The following NME7 variants were observed in gnomAD, a reference collection of about 807,000 sequenced individuals.
NME7 encodes the protein NME/NM23 family member 7.
Under a neutral mutation model 49.1 loss-of-function variants are expected in NME7, and 41 were observed. The ratio of observed to expected loss-of-function variants is 0.83; its 90% CI spans 0.65 to 1.08. NME7 has a LOEUF of 1.08. Ranked by LOEUF, NME7 falls within the 50% of genes least tolerant of loss-of-function variation. The pLI, the probability that NME7 is intolerant of heterozygous loss-of-function variation, is 0.00. For synonymous variants in NME7, 139 were observed against 150.6 expected, an observed-to-expected ratio of 0.92 and a Z score of 0.56; for missense variants, 423 against 463.4, an observed-to-expected ratio of 0.91 and a Z score of 0.80.
At chr1:169,301,712 T>C (rs973516423) in intron 5 of NME7, among the ~76,000 whole-genome samples, 2 of 151,980 alleles carry the variant, frequency 1.3e-5, no homozygotes, top group Non-Finnish European at 2.9e-5. Flanking sequence ...ATGTGGTATA[T>C]ATATATAACA....
At chr1:169,354,288 G>A (rs1310550219) in intron 1 of NME7, among the ~76,000 whole-genome samples, 1 of 152,028 alleles carries the variant, frequency 6.6e-6, no homozygotes, top group Non-Finnish European at 1.5e-5. Context: ...AATAAGCCAG[G>A]CACAAAAACA....
rs958846733 is a variant in NME7, at chr1:169,268,897, G to A, written c.754+18406C>T. 6.0e-5 allele frequency among the ~76,000 whole-genome samples: 8 copies of A among 133,312 alleles called. No homozygotes were observed. The East Asian group carries it at 1.4e-3, about 23-fold the overall frequency. 87.5% of individuals were successfully genotyped at this position (133,312 alleles called of 152,430 possible). A position where few individuals can be genotyped will look rare whatever the true frequency, so the allele number is the denominator to read the frequency against. The stretch of plus-strand genomic sequence containing the variant: ...CTGTTAACTAAACCCCGAGTCAAGA[G>A]TTTGCCTACATAACAAAACTGCACA... On this transcript the variant is annotated intron_variant, in intron 7 of 11. Coordinates refer to ENST00000367811, the MANE Select transcript of NME7 (RefSeq NM_013330.5).
At chr1:169,326,863 C>T (rs72702134) in intron 1 of NME7, among the ~76,000 whole-genome samples, 1,559 of 152,224 alleles carry the variant, frequency 0.01, 18 homozygotes, top group Non-Finnish European at 0.017. Context: ...CCATCCAGAC[C>T]AAAGCCACCC....
intron 7 of NME7, among the ~76,000 whole-genome samples, chr1:169,260,646 T>A (rs1649130469): frequency 7.5e-6 from 1 of 132,680 alleles, no homozygotes; most frequent in African/African-American, 2.5e-5. Context: ...GTCTTCCTTT[T>A]GTCATTGTGC....
chr1:169,358,156 G>A (rs1189856956), intron 1 of NME7, among the ~76,000 whole-genome samples: 1 of 151,912 alleles, frequency 6.6e-6, no homozygotes, highest in Non-Finnish European at 1.5e-5. Context: ...ATTTTTGAAG[G>A]TTGATATTTT....
At chr1:169,206,350 G>A (rs1341092848) in intron 10 of NME7, among the ~76,000 whole-genome samples, 1 of 152,120 alleles carries the variant, frequency 6.6e-6, no homozygotes, top group Non-Finnish European at 1.5e-5. Flanking sequence ...TGGAGCTGAT[G>A]TTGAGAGACT....
intron 11 of NME7, among the ~76,000 whole-genome samples, chr1:169,158,835 G>A (rs1205308333): frequency 6.6e-6 from 1 of 152,060 alleles, no homozygotes; most frequent in Non-Finnish European, 1.5e-5. Flanking sequence ...GAGCAGGGGA[G>A]GACACATAAG....
intron 10 of NME7, among the ~76,000 whole-genome samples, chr1:169,217,189 C>T (rs1009997361): frequency 1.3e-5 from 2 of 152,034 alleles, no homozygotes; most frequent in African/African-American, 2.4e-5. Flanking sequence ...TGACAACAAA[C>T]CCAAGTATAG....
chr1:169,142,608 G>C (rs578249098), intron 11 of NME7, among the ~76,000 whole-genome samples: 20 of 152,186 alleles, frequency 1.3e-4, no homozygotes, highest in Non-Finnish European at 2.8e-4. Flanking sequence ...AGGATTACTA[G>C]TTAGGAGAGT....
intron 10 of NME7, chr1:169,190,522 CTTT>C: frequency 4.0e-6 from 1 of 247,730 alleles, no homozygotes; most frequent in Non-Finnish European, 7.9e-6. Flanking sequence ...AATTTTTCTT[CTTT>C]TTTTTTTGGA....
At chr1:169,288,086 G>C (rs1413898890) in intron 6 of NME7, among the ~76,000 whole-genome samples, 2 of 152,038 alleles carry the variant, frequency 1.3e-5, no homozygotes, top group South Asian at 2.1e-4. Context: ...AAAACCCTCT[G>C]ACTCAAGCTC....
chr1:169,357,138 G>T (rs1246898585), intron 1 of NME7, among the ~76,000 whole-genome samples: 2 of 151,542 alleles, frequency 1.3e-5, no homozygotes, highest in Admixed American at 6.6e-5. Flanking sequence ...AAGGGAACTA[G>T]TATTATTATT....
intron 3 of NME7, among the ~76,000 whole-genome samples, chr1:169,314,069 C>A (rs1218128611): frequency 9.3e-6 from 1 of 107,830 alleles, no homozygotes; most frequent in East Asian, 2.1e-4. Flanking sequence ...CAGATGAGTG[C>A]AAACTGAGTT....
intron 11 of NME7, among the ~76,000 whole-genome samples, chr1:169,136,503 G>A (rs74946949): frequency 2.0e-5 from 3 of 152,288 alleles, no homozygotes; most frequent in African/African-American, 4.8e-5. Flanking sequence ...TTGGGGTGGG[G>A]TAGAGGTAGG....
intron 6 of NME7, among the ~76,000 whole-genome samples, chr1:169,291,621 C>T (rs565215063): frequency 4.6e-5 from 7 of 151,020 alleles, no homozygotes; most frequent in East Asian, 2.0e-4. Context: ...CTGCACGTTA[C>T]GCACATGTAT....
intron 11 of NME7, among the ~76,000 whole-genome samples, chr1:169,163,835 G>A (rs183929115): frequency 1.6e-3 from 249 of 152,214 alleles, no homozygotes; most frequent in Non-Finnish European, 3.0e-3. Context: ...TCTTGGCCAG[G>A]CGTGGTAGCT....
intron 10 of NME7, among the ~76,000 whole-genome samples, chr1:169,177,281 C>G (rs1390599331): frequency 6.6e-6 from 1 of 152,082 alleles, no homozygotes; most frequent in African/African-American, 2.4e-5. Context: ...CTGTATCAGT[C>G]GGCTTCTATA....
At chr1:169,252,211 C>T (rs1191335267) in intron 7 of NME7, among the ~76,000 whole-genome samples, 11 of 151,660 alleles carry the variant, frequency 7.3e-5, no homozygotes, top group Non-Finnish European at 1.6e-4. Flanking sequence ...TCCACATCCC[C>T]TCCAGCACCT....
chr1:169,166,497 A>G (rs1017527011), intron 11 of NME7, among the ~76,000 whole-genome samples: 6 of 152,318 alleles, frequency 3.9e-5, no homozygotes, highest in African/African-American at 1.4e-4. Flanking sequence ...ACTAAGAACT[A>G]TATGAAAAAA....
Sources: gnomAD v4.1 joint callset for allele counts (sites outside exome capture counted in the v4.1 genomes callset) on GRCh38, gnomAD v4.1.1 for gene constraint, MANE v1.5 for transcripts, NCBI Gene and HGNC (gene_info 2026-07-23, HGNC 2026-07-21) for gene names.